Variants in KCNU1 observed in about 807,000 individuals in gnomAD.
KCNU1 encodes the protein potassium channel subfamily U member 1.
Under a neutral mutation model 126.8 loss-of-function variants are expected in KCNU1, and 93 were observed. That is an observed-to-expected ratio of 0.73 (90% CI 0.62 to 0.87). KCNU1 has a LOEUF of 0.87. Among genes scored for constraint, KCNU1 ranks in the 40% least tolerant of loss-of-function variants. KCNU1 has a pLI of 0.00. For synonymous variants in KCNU1, 523 were observed against 494.2 expected, an observed-to-expected ratio of 1.06 and a Z score of -0.77; for missense variants, 1,330 against 1,367.1, an observed-to-expected ratio of 0.97 and a Z score of 0.43.
chr8:36,811,864 C>T (rs1372659084), intron 7 of KCNU1, among the ~76,000 whole-genome samples: 2 of 151,990 alleles, frequency 1.3e-5, no homozygotes, highest in Non-Finnish European at 2.9e-5. Flanking sequence ...GGCAGGAGTT[C>T]GAGACCAGCC....
chr8:36,902,598 G>A (rs1468240206), intron 19 of KCNU1, among the ~76,000 whole-genome samples: 2 of 152,110 alleles, frequency 1.3e-5, no homozygotes, highest in African/African-American at 4.8e-5. Context: ...CTACCAACTT[G>A]GTCATGATAT....
chr8:36,808,392 T>C (rs1261353595), intron 6 of KCNU1, among the ~76,000 whole-genome samples: 9 of 152,098 alleles, frequency 5.9e-5, no homozygotes, highest in Non-Finnish European at 2.9e-5. Context: ...ATGATCCACA[T>C]GTAGATATTT....
rs566315293 is a variant in KCNU1 at position 36,931,762 on chromosome 8, T to C, written c.2931+617T>C. On this transcript the variant is annotated intron_variant, in intron 25 of 26. Coordinates refer to ENST00000399881, the MANE Select transcript of KCNU1 (RefSeq NM_001031836.3). ...CAGCTGAAATCAGGCAGAAGACTTC[T>C]GTACGTGGGTCTAAGAATCTGGCTG... Among the ~76,000 whole-genome samples, 5 of 152,188 alleles carry C rather than the reference T, an allele frequency of 3.3e-5. No homozygotes were observed. In the South Asian group the frequency reaches 8.3e-4, roughly 25 times the overall value.
At chr8:36,890,848 T>C (rs1041068504) in intron 19 of KCNU1, among the ~76,000 whole-genome samples, 1 of 151,296 alleles carries the variant, frequency 6.6e-6, no homozygotes, top group Non-Finnish European at 1.5e-5. Context: ...TTGATGTCTA[T>C]TGTGTTTATT....
chr8:36,861,314 A>C (rs2117326788), intron 18 of KCNU1, among the ~76,000 whole-genome samples: 1 of 152,268 alleles, frequency 6.6e-6, no homozygotes, highest in Non-Finnish European at 1.5e-5. Flanking sequence ...GCTTTCCATG[A>C]TTTCCAATCG....
At chr8:36,872,958 C>CA (rs765883415) in intron 19 of KCNU1, among the ~76,000 whole-genome samples, 18 of 152,034 alleles carry the variant, frequency 1.2e-4, no homozygotes, top group Non-Finnish European at 1.9e-4. Context: ...TCACGCCTGT[C>CA]ATCCTAGCTA....
intron 18 of KCNU1, among the ~76,000 whole-genome samples, chr8:36,854,682 C>T (rs1805470821): frequency 1.3e-5 from 2 of 152,012 alleles, no homozygotes; most frequent in African/African-American, 2.4e-5. Context: ...TTTAAATTAG[C>T]TGATTTTAAA....
chr8:36,921,739 C>T (rs1037887693), intron 23 of KCNU1, among the ~76,000 whole-genome samples: 5 of 151,564 alleles, frequency 3.3e-5, no homozygotes, highest in Non-Finnish European at 7.4e-5. Context: ...CAGTGACCAG[C>T]GGTATTCACC....
chr8:36,793,096 T>A (rs1243268891), intron 2 of KCNU1, among the ~76,000 whole-genome samples: 2 of 149,430 alleles, frequency 1.3e-5, no homozygotes, highest in East Asian at 4.0e-4. Context: ...CAGCAAACTA[T>A]CACAAGGACA....
intron 19 of KCNU1, among the ~76,000 whole-genome samples, chr8:36,893,052 C>G (rs1377627622): frequency 2.0e-5 from 3 of 152,156 alleles, no homozygotes; most frequent in African/African-American, 4.8e-5. Flanking sequence ...ACATCTGCCT[C>G]CTGGGATCAA....
intron 19 of KCNU1, among the ~76,000 whole-genome samples, chr8:36,870,607 T>G (rs1438727573): frequency 6.6e-6 from 1 of 152,206 alleles, no homozygotes; most frequent in Non-Finnish European, 1.5e-5. Context: ...GCTCTTTTCA[T>G]GTCATATCTG....
chr8:36,921,700 G>T (rs904521213), intron 23 of KCNU1, among the ~76,000 whole-genome samples: 2 of 150,756 alleles, frequency 1.3e-5, no homozygotes, highest in Admixed American at 1.3e-4. Context: ...AGGAACAAAG[G>T]CAGCCTGTGC....
intron 13 of KCNU1, 60 bp from the exon 14 acceptor site, chr8:36,836,733 A>C: frequency 6.9e-7 from 1 of 1,449,788 alleles, no homozygotes; most frequent in Non-Finnish European, 9.6e-7. Flanking sequence ...ATCCATCCTC[A>C]AGAGCTTTCT....
intron 18 of KCNU1, among the ~76,000 whole-genome samples, chr8:36,847,036 C>T (rs534611127): frequency 5.3e-5 from 8 of 152,204 alleles, no homozygotes; most frequent in African/African-American, 1.9e-4. Flanking sequence ...CCTGAGGTTC[C>T]TCATTAACTT....
intron 10 of KCNU1, among the ~76,000 whole-genome samples, chr8:36,829,619 A>G (rs1804456214): frequency 6.6e-6 from 1 of 150,888 alleles, no homozygotes; most frequent in South Asian, 2.1e-4. Flanking sequence ...TATATTTTAT[A>G]TAAATTTTAA....
chr8:36,819,442 C>T (rs1585412929), intron 10 of KCNU1, among the ~76,000 whole-genome samples: 1 of 152,100 alleles, frequency 6.6e-6, no homozygotes, highest in Non-Finnish European at 1.5e-5. Context: ...ATACTCCTGT[C>T]CCCCTCAATC....
intron 2 of KCNU1, 89 bp from the exon 3 acceptor site, chr8:36,803,938 G>A: frequency 1.2e-6 from 1 of 812,494 alleles, no homozygotes; most frequent in East Asian, 2.7e-5. Context: ...ACGTACACAG[G>A]CATGGTAAAA....
chr8:36,830,917 C>T, intron 10 of KCNU1, among the ~76,000 whole-genome samples: 1 of 114,970 alleles, frequency 8.7e-6, no homozygotes, highest in South Asian at 3.3e-4. Context: ...CCTCCCCCCA[C>T]CCCACAACAG....
At chr8:36,887,452 G>GTTT (rs138240609) in intron 19 of KCNU1, among the ~76,000 whole-genome samples, 13 of 99,264 alleles carry the variant, frequency 1.3e-4, no homozygotes, top group East Asian at 8.1e-4. Flanking sequence ...GTTTTTTTTT[G>GTTT]TTTTTTTTTT....
Sources: allele counts gnomAD v4.1 joint callset (sites outside exome capture counted in the v4.1 genomes callset), GRCh38; gene constraint gnomAD v4.1.1; transcripts MANE v1.5; gene names NCBI Gene and HGNC (gene_info 2026-07-23, HGNC 2026-07-21).